ASAP1: variants seen among roughly 807,000 people sequenced by gnomAD.
The protein encoded by ASAP1 is arf-GAP with SH3 domain, ANK repeat and PH domain-containing protein 1.
A neutral mutation model predicts 145.2 loss-of-function variants in ASAP1; 43 were observed. The observed-to-expected ratio is 0.30, with a 90% CI of 0.23 to 0.38. The LOEUF (loss-of-function observed/expected upper bound fraction) is 0.38. ASAP1 is among the 10% of genes least tolerant of loss of function. The probability of loss-of-function intolerance (pLI) is 1.00; values close to 1 mark genes in which losing one functional copy is unlikely to be tolerated. For missense variants in ASAP1, 1,018 were observed against 1,355.3 expected (o/e 0.75, Z 3.91); for synonymous variants, 546 against 515.5 (o/e 1.06, Z -0.80).
At chr8:130,085,588 G>C (rs111562881) in intron 25 of ASAP1, among the ~76,000 whole-genome samples, 2,913 of 152,010 alleles carry the variant, frequency 0.019, 95 homozygotes, top group African/African-American at 0.065. Flanking sequence ...TAAAAAATCA[G>C]CTGGGTGTGG....
At chr8:130,072,830 CGGGGGG>C (rs113708683) in intron 27 of ASAP1, among the ~76,000 whole-genome samples, 8,039 of 31,956 alleles carry the variant, frequency 0.25, 629 homozygotes, top group Middle Eastern at 0.31. Context: ...TGTGTGCGCG[CGGGGGG>C]GGGCAGTTTT....
rs375356661 is a variant in ASAP1 at position 130,413,097 on chromosome 8, T to C, written c.-27-11127A>G. Among the ~76,000 whole-genome samples, 5 of 152,284 alleles carry C rather than the reference T, an allele frequency of 3.3e-5. 1 individual carries two copies. The highest frequency in any genetic ancestry group is 1.2e-4 in the African/African-American group (5 of 41,556). On this transcript the variant is annotated intron_variant, in intron 1 of 29. Coordinates refer to ENST00000518721, the MANE Select transcript of ASAP1 (RefSeq NM_018482.4). ...TTACAGAGAAGGAAACTGAGGCAAA[T>C]ACAGGATGAGTATCTTGCCAGAGTT...
intron 1 of ASAP1, chr8:130,427,646 T>C (rs1829973523): frequency 6.6e-6 from 1 of 152,226 alleles, no homozygotes; most frequent in African/African-American, 2.4e-5. Flanking sequence ...CCAGATTCCA[T>C]GAAGGACTCC....
At chr8:130,415,112 T>G (rs1314472573) in intron 1 of ASAP1, among the ~76,000 whole-genome samples, 2 of 152,246 alleles carry the variant, frequency 1.3e-5, no homozygotes, top group Non-Finnish European at 2.9e-5. Flanking sequence ...ATAAATTATC[T>G]GTTGATGAAT....
chr8:130,218,308 A>G (rs953052091), intron 4 of ASAP1, among the ~76,000 whole-genome samples: 4 of 152,228 alleles, frequency 2.6e-5, no homozygotes, highest in Admixed American at 6.5e-5. Context: ...AAAAATAGGT[A>G]TATAGGCTGC....
chr8:130,205,394 A>AAC (rs1282788350), intron 5 of ASAP1, among the ~76,000 whole-genome samples: 1 of 151,636 alleles, frequency 6.6e-6, no homozygotes, highest in African/African-American at 2.4e-5. Context: ...AAAAAAAAAA[A>AAC]AAAAAACAAA....
chr8:130,112,380 G>A (rs72722340), intron 23 of ASAP1, 58 bp from the exon 24 acceptor site: 2,261 of 1,493,994 alleles, frequency 1.5e-3, no homozygotes, highest in Non-Finnish European at 1.8e-3. Context: ...CATGTGTACA[G>A]AGGGCCTCCG....
intron 1 of ASAP1, among the ~76,000 whole-genome samples, chr8:130,418,539 AAAATAAATAAATAAAT>A (rs71572335): frequency 6.8e-6 from 1 of 147,640 alleles, no homozygotes; most frequent in Admixed American, 6.7e-5. Context: ...CCTCTGTCTC[AAAATAAATAAATAAAT>A]AAATAAATAA....
At chr8:130,115,860 G>A (rs370759139) in intron 22 of ASAP1, 125 bp from the exon 23 acceptor site, 2 of 707,652 alleles carry the variant, frequency 2.8e-6, no homozygotes, top group Admixed American at 4.8e-5. Context: ...GTGTACTATA[G>A]GCAACACTCT....
chr8:130,068,281 T>C (rs1346140938), intron 27 of ASAP1, among the ~76,000 whole-genome samples: 1 of 152,188 alleles, frequency 6.6e-6, no homozygotes, highest in East Asian at 1.9e-4. Flanking sequence ...TAAGCTCAGA[T>C]GTGGGTCTGC....
At chr8:130,070,973 G>T (rs1479463653) in intron 27 of ASAP1, among the ~76,000 whole-genome samples, 2 of 24,012 alleles carry the variant, frequency 8.3e-5, no homozygotes, top group African/African-American at 5.4e-4. Context: ...GGGAGAGAGA[G>T]GGGGAGGGGG....
chr8:130,225,060 T>C (rs1444786876), intron 4 of ASAP1, among the ~76,000 whole-genome samples: 1 of 152,250 alleles, frequency 6.6e-6, no homozygotes, highest in Non-Finnish European at 1.5e-5. Flanking sequence ...AGTAAGCCTA[T>C]CTTTTTGCAT....
chr8:130,312,621 T>C (rs1007047580), intron 3 of ASAP1, among the ~76,000 whole-genome samples: 16 of 152,086 alleles, frequency 1.1e-4, no homozygotes, highest in Non-Finnish European at 2.9e-5. Flanking sequence ...TACAGGTGGG[T>C]ACTATTATAA....
At position 130,116,673 on chromosome 8, in the gene ASAP1, C is replaced by T. The variant is rs755562588; in HGVS notation, c.2064+5G>A. On this transcript the variant is annotated splice_donor_5th_base_variant and intron_variant, in intron 22 of 29. Coordinates refer to ENST00000518721, the MANE Select transcript of ASAP1 (RefSeq NM_018482.4). ...AATAAATCTCCCACGTCCATTTTTG[C>T]TTACCAGATCTTCACACTGGGTAGC... The T allele has an allele frequency of 1.5e-5, 25 of 1,613,360 alleles. No homozygotes were observed. In the South Asian group the frequency reaches 2.7e-4, roughly 18 times the overall value.
chr8:130,157,854 T>C (rs962759026), intron 12 of ASAP1, among the ~76,000 whole-genome samples: 5 of 152,144 alleles, frequency 3.3e-5, no homozygotes, highest in Non-Finnish European at 4.4e-5. Flanking sequence ...ACCACCTGCA[T>C]CTCTTGCTTG....
intron 3 of ASAP1, among the ~76,000 whole-genome samples, chr8:130,260,953 A>T (rs1032084410): frequency 4.6e-5 from 7 of 152,116 alleles, no homozygotes; most frequent in African/African-American, 1.7e-4. Context: ...TTTCCAGGAA[A>T]TTTCAAAGTC....
chr8:130,306,334 T>C (rs1822989513), intron 3 of ASAP1, among the ~76,000 whole-genome samples: 1 of 152,238 alleles, frequency 6.6e-6, no homozygotes, highest in Non-Finnish European at 1.5e-5. Flanking sequence ...AGCAAGTCAC[T>C]GTAAATGCAC....
intron 4 of ASAP1, among the ~76,000 whole-genome samples, chr8:130,221,146 C>T (rs543417774): frequency 1.3e-5 from 2 of 152,144 alleles, no homozygotes; most frequent in East Asian, 3.9e-4. Context: ...AGGCAGGAGG[C>T]TTGCTGGAGC....
At position 130,306,276 on chromosome 8, in the gene ASAP1, T is replaced by C. The variant is rs150529106; in HGVS notation, c.186+51741A>G. Among the ~76,000 whole-genome samples the C allele has an allele frequency of 9.8e-4, 149 of 152,294 alleles. 1 individual carries two copies. The highest frequency in any genetic ancestry group is 6.8e-3 in the Middle Eastern group (2 of 294). ...GTGTTACCTTTCACTACAAGTATTA[T>C]CATTTAGCAAGTCATTCACTCACTC... On this transcript the variant is annotated intron_variant, in intron 3 of 29. Coordinates refer to ENST00000518721, the MANE Select transcript of ASAP1 (RefSeq NM_018482.4).
Sources: gnomAD v4.1 joint callset for allele counts (sites outside exome capture counted in the v4.1 genomes callset) on GRCh38, gnomAD v4.1.1 for gene constraint, MANE v1.5 for transcripts, NCBI Gene and HGNC (gene_info 2026-07-23, HGNC 2026-07-21) for gene names.